Variants in ZNF486 observed in about 807,000 individuals in gnomAD.
ZNF486 encodes zinc finger protein 486, also known as KRAB box only protein 2.
ZNF486 carries 12 observed loss-of-function variants against 12.8 expected under a neutral mutation model. That is an observed-to-expected ratio of 0.94 (90% CI 0.60 to 1.52). The LOEUF (loss-of-function observed/expected upper bound fraction) is 1.52. Among genes scored for constraint, ZNF486 ranks in the 40% most tolerant of loss-of-function variants. The pLI, the probability that ZNF486 is intolerant of heterozygous loss-of-function variation, is 0.00. For synonymous variants in ZNF486, 231 were observed against 184.9 expected (o/e 1.25, Z -2.02); for missense variants, 738 against 545.0 (o/e 1.35, Z -3.53).
At chr19:20,193,914 A>G (rs1179906483) in intron 3 of ZNF486, among the ~76,000 whole-genome samples, 1 of 152,142 alleles carries the variant, frequency 6.6e-6, no homozygotes, top group African/African-American at 2.4e-5. Context: ...CATAAAACCT[A>G]AAAGATCCAA....
intron 1 of ZNF486, among the ~76,000 whole-genome samples, chr19:20,179,356 A>C (rs2089759518): frequency 1.3e-5 from 2 of 152,346 alleles, no homozygotes; most frequent in South Asian, 4.1e-4. Flanking sequence ...TCTTGTCTTG[A>C]CATATCTTCC....
chr19:20,170,140 G>A (rs1423694967), intron 1 of ZNF486, among the ~76,000 whole-genome samples: 2 of 151,218 alleles, frequency 1.3e-5, no homozygotes, highest in Admixed American at 1.3e-4. Context: ...CTTGTGATCC[G>A]CCCGCCTCGG....
At chr19:20,171,752 T>TGG (rs2089650294) in intron 1 of ZNF486, among the ~76,000 whole-genome samples, 1 of 152,224 alleles carries the variant, frequency 6.6e-6, no homozygotes, top group Non-Finnish European at 1.5e-5. Context: ...GATGTACACA[T>TGG]GTGGGTTTGT....
chr19:20,188,161 C>A (rs10402731), intron 3 of ZNF486, among the ~76,000 whole-genome samples: 163 of 152,110 alleles, frequency 1.1e-3, no homozygotes, highest in African/African-American at 3.9e-3. Context: ...TCTATATAGG[C>A]AGAACTGACC....
rs144860934 is a variant in ZNF486 at position 20,171,880 on chromosome 19, C to G, written c.30+4520C>G. Among the ~76,000 whole-genome samples the G allele has an allele frequency of 9.2e-3, 1,405 of 152,268 alleles. 26 individuals are homozygous for G. The highest frequency in any genetic ancestry group is 0.032 in the African/African-American group (1,348 of 41,544). ...TCCTCTTAGTCCTCACACCCTCCAC[C>G]CTCAACTAGGCCTCAGTGTCTGTTG... On this transcript the variant is annotated intron_variant, in intron 1 of 3. Transcript: ENST00000335117.
At chr19:20,175,915 G>C (rs1555714660) in intron 1 of ZNF486, among the ~76,000 whole-genome samples, 2 of 152,044 alleles carry the variant, frequency 1.3e-5, no homozygotes, top group African/African-American at 4.8e-5. Context: ...CGGCTGGGCA[G>C]AGGCGCCCCT....
At chr19:20,169,172 T>C (rs1323893608) in intron 1 of ZNF486, among the ~76,000 whole-genome samples, 4 of 152,114 alleles carry the variant, frequency 2.6e-5, no homozygotes, top group African/African-American at 9.7e-5. Context: ...TGGAGTGCAA[T>C]GGTATGATCT....
At chr19:20,171,609 A>C (rs1424939085) in intron 1 of ZNF486, among the ~76,000 whole-genome samples, 2 of 152,216 alleles carry the variant, frequency 1.3e-5, no homozygotes, top group Non-Finnish European at 2.9e-5. Context: ...ATCTGCCTAC[A>C]TGCACACAGA....
At chr19:20,168,445 G>A (rs1010571360) in intron 1 of ZNF486, among the ~76,000 whole-genome samples, 2 of 152,062 alleles carry the variant, frequency 1.3e-5, no homozygotes, top group African/African-American at 2.4e-5. Flanking sequence ...ACCTGAGTTC[G>A]GGAGTTCGAG....
intron 1 of ZNF486, among the ~76,000 whole-genome samples, chr19:20,169,029 C>CG (rs1555713437): frequency 2.7e-5 from 4 of 150,482 alleles, no homozygotes; most frequent in Non-Finnish European, 4.4e-5. Context: ...TTAGCAGAGA[C>CG]GGGGTTTCAC....
intron 3 of ZNF486, among the ~76,000 whole-genome samples, chr19:20,193,754 A>G (rs2089927711): frequency 6.6e-6 from 1 of 151,842 alleles, no homozygotes; most frequent in Non-Finnish European, 1.5e-5. Flanking sequence ...TGTTATTTTT[A>G]TTAATTGTTT....
At chr19:20,176,814 G>GGGGAGA (rs1273688620) in intron 1 of ZNF486, 2 of 152,920 alleles carry the variant, frequency 1.3e-5, no homozygotes, top group Non-Finnish European at 2.9e-5. Context: ...GGGAGACTGT[G>GGGGAGA]GGGAGAGGGA....
At position 20,196,879 on chromosome 19, in the gene ZNF486, T is replaced by A. The variant is rs1029925634; in HGVS notation, c.254-85T>A. ...TGCTATGTCATCTTGCTTATGTAGTTTGTATAATTTTATAGGTTAGATTTG... is the reference window on the plus strand; with the variant it reads ...TGCTATGTCATCTTGCTTATGTAGTATGTATAATTTTATAGGTTAGATTTG... On this transcript the variant is annotated intron_variant, in intron 3 of 3. Transcript: ENST00000335117. 3.5e-6 allele frequency: 5 copies of A among 1,441,044 alleles called. No individual in the cohort carries two copies. In the African/African-American group the frequency reaches 5.7e-5, roughly 17 times the overall value. The allele number at this position is 1,441,044 out of a possible 1,614,324, so 89.3% of individuals were successfully genotyped here. A position where few individuals can be genotyped will look rare whatever the true frequency, so the allele number is the denominator to read the frequency against.
At chr19:20,194,310 C>A (rs1555717587) in intron 3 of ZNF486, among the ~76,000 whole-genome samples, 1 of 152,156 alleles carries the variant, frequency 6.6e-6, no homozygotes, top group African/African-American at 2.4e-5. Flanking sequence ...ATTTTGGAAG[C>A]ACTTGTTTTA....
At chr19:20,186,288 T>C (rs1460847788) in intron 3 of ZNF486, among the ~76,000 whole-genome samples, 1 of 152,222 alleles carries the variant, frequency 6.6e-6, no homozygotes, top group Non-Finnish European at 1.5e-5. Flanking sequence ...CTCTAAGGAT[T>C]CTACTATTCT....
rs56049711 is a variant in ZNF486, at chr19:20,177,598, A to T, written c.31-6758A>T. ...AAAATAAAAACGTTTGTTTTTTGAG[A>T]TGGAGTTTCACTCTTATTGCCCAGG... is the stretch of plus-strand genomic sequence containing the variant. On this transcript the variant is annotated intron_variant, in intron 1 of 3. Transcript: ENST00000335117. 3.8e-3 allele frequency among the ~76,000 whole-genome samples: 579 copies of T among 152,308 alleles called. 5 individuals are homozygous for T. The highest frequency in any genetic ancestry group is 6.2e-3 in the Non-Finnish European group (419 of 68,018).
In ZNF486 at chr19:20,167,294, C is replaced by G; in HGVS notation, c.-37C>G. ...CTCCTAGAGGCCCACCCTCTGTGGC[C>G]CTGTGTCCTGTAGGTATTGGGAGAT... On this transcript the variant is annotated 5_prime_UTR_variant, in exon 1 of 4. Coordinates refer to ENST00000335117, the MANE Select transcript of ZNF486 (RefSeq NM_052852.4). 3 of 1,613,938 alleles carry G rather than the reference C, an allele frequency of 1.9e-6. No homozygotes were observed. The highest frequency in any genetic ancestry group is 1.7e-5 in the Admixed American group (1 of 60,024).
chr19:20,197,173 C>T lies in ZNF486; in HGVS notation c.463C>T (p.Gln155Ter), dbSNP rs2089966869. Reference sequence around the variant, plus strand: ...GACAACTACCCAGAGCAAAATATTTCAATGTGGTAAATATGTGAAAGTCTT... The same window carrying T: ...GACAACTACCCAGAGCAAAATATTTTAATGTGGTAAATATGTGAAAGTCTT... ...CLTTTQSKIFQCGKYVKVFHQ... is the reference protein window; with the variant it reads ...CLTTTQSKIF Residue 155 changes from glutamine to a stop codon, truncating the protein, a stop_gained, in exon 4 of 4, where the codon CAA (glutamine) becomes TAA (stop). Transcript: ENST00000335117. LOFTEE classifies it low-confidence loss of function (END_TRUNC). 1 of 1,613,680 alleles carries T rather than the reference C, an allele frequency of 6.2e-7. No homozygotes were observed. The highest frequency in any genetic ancestry group is 1.3e-5 in the African/African-American group (1 of 75,010).
chr19:20,176,023 C>T (rs2089707610), intron 1 of ZNF486: 2 of 169,296 alleles, frequency 1.2e-5, no homozygotes, highest in East Asian at 1.9e-4. Flanking sequence ...CCACCTCCCT[C>T]CCGGACGGGG....
Sources: gnomAD v4.1 joint callset for allele counts (sites outside exome capture counted in the v4.1 genomes callset) on GRCh38, gnomAD v4.1.1 for gene constraint, MANE v1.5 for transcripts, NCBI Gene and HGNC (gene_info 2026-07-23, HGNC 2026-07-21) for gene names.